The following F11R variants were observed in gnomAD, a reference collection of about 807,000 sequenced individuals.
The protein encoded by F11R is F11 receptor, also known as junctional adhesion molecule A.
F11R carries 27 observed loss-of-function variants against 39.3 expected under a neutral mutation model. That is an observed-to-expected ratio of 0.69 (90% CI 0.51 to 0.95). The LOEUF is 0.95. F11R is among the 40% of genes least tolerant of loss of function. The pLI is 0.00. For missense variants in F11R, 335 were observed against 372.7 expected (o/e 0.90, Z 0.83); for synonymous variants, 131 against 144.9 (o/e 0.90, Z 0.69).
rs79065730 is a variant in F11R, at chr1:161,013,133, G to GA, written c.64+7876dup. On this transcript the variant is annotated intron_variant, in intron 1 of 9. Transcript: ENST00000368026. The stretch of plus-strand genomic sequence containing the variant: ...CCCTGGTGTCTGTTGTTCATTTAGG[G>GA]AAAAAAAAAAAAAAGAAGAAAGAGG... 5.8e-3 allele frequency among the ~76,000 whole-genome samples: 793 copies of GA among 136,824 alleles called. 4 individuals carry two copies. The highest frequency in any genetic ancestry group is 0.018 in the African/African-American group (676 of 37,316). 89.8% of individuals were successfully genotyped at this position (136,824 alleles called of 152,430 possible). A position where few individuals can be genotyped will look rare whatever the true frequency, so the allele number is the denominator to read the frequency against.
In F11R at chr1:160,998,405, C is replaced by A; in HGVS notation, c.*466G>T. ...GACCCCAGTGTCATCACCAAACAACCATTTCAGCCGCTCTAGCCTCTAATT... is the reference window on the plus strand; with the variant it reads ...GACCCCAGTGTCATCACCAAACAACAATTTCAGCCGCTCTAGCCTCTAATT... On this transcript the variant is annotated 3_prime_UTR_variant, in exon 10 of 10. Coordinates refer to ENST00000368026, the MANE Select transcript of F11R (RefSeq NM_016946.6). 5.2e-6 allele frequency: 1 copy of A among 193,406 alleles called. No homozygotes were observed. Among genetic ancestry groups the A allele is most frequent in the Non-Finnish European group, 1.1e-5 (1 of 93,290 alleles). The allele number at this position is 193,406 out of a possible 1,614,324, so 12.0% of individuals were successfully genotyped here.
chr1:161,010,220 C>T (rs573854857), intron 1 of F11R, among the ~76,000 whole-genome samples: 42 of 151,986 alleles, frequency 2.8e-4, no homozygotes, highest in African/African-American at 9.4e-4. Context: ...CCGAAGCAAG[C>T]GGATCACAAG....
intron 1 of F11R, among the ~76,000 whole-genome samples, chr1:161,010,058 T>TAAAA (rs11443926): frequency 6.9e-6 from 1 of 145,244 alleles, no homozygotes. Context: ...ACTAAACTCT[T>TAAAA]AAAAAAAAAA....
intron 1 of F11R, among the ~76,000 whole-genome samples, chr1:161,004,955 G>A (rs1408476305): frequency 6.6e-6 from 1 of 151,764 alleles, no homozygotes; most frequent in Non-Finnish European, 1.5e-5. Context: ...GAGGGCAGGA[G>A]TTCGAGACCA....
intron 1 of F11R, among the ~76,000 whole-genome samples, chr1:161,010,546 G>A (rs749918568): frequency 5.3e-5 from 8 of 150,902 alleles, no homozygotes; most frequent in Non-Finnish European, 7.4e-5. Flanking sequence ...TATGCTATAT[G>A]TAGCTTTATT....
At position 160,996,768 on chromosome 1, in the gene F11R, AAAAAAC is replaced by A. The variant is rs1343735500; in HGVS notation, c.*2097_*2102del. The A allele has an allele frequency of 6.6e-6, 1 of 152,282 alleles. No individual in the cohort carries two copies. Among genetic ancestry groups the A allele is most frequent in the Non-Finnish European group, 1.5e-5 (1 of 68,106 alleles). 9.4% of individuals were successfully genotyped at this position (152,282 alleles called of 1,614,324 possible). On this transcript the variant is annotated 3_prime_UTR_variant, in exon 10 of 10. Coordinates refer to ENST00000368026, the MANE Select transcript of F11R (RefSeq NM_016946.6). ...GTGACAGAGCGAGACTCCGTCTTTA[AAAAAAC>A]AAAACAAAACAAAACAAAAAACAAC...
At chr1:161,011,276 G>A (rs566903335) in intron 1 of F11R, among the ~76,000 whole-genome samples, 23 of 151,848 alleles carry the variant, frequency 1.5e-4, no homozygotes, top group African/African-American at 4.6e-4. Context: ...CAAGTGATCC[G>A]TCCGCCCCAG....
chr1:161,004,546 C>CAA (rs879627643), intron 1 of F11R, among the ~76,000 whole-genome samples: 22 of 137,048 alleles, frequency 1.6e-4, no homozygotes, highest in East Asian at 4.3e-4. Flanking sequence ...GACTCCGTCT[C>CAA]AAAAAAAAAA....
rs1214754424 is a variant in F11R, at chr1:160,999,427, G to C, written c.803-19C>G. 1 of 1,614,168 alleles carries C rather than the reference G, an allele frequency of 6.2e-7. No individual in the cohort carries two copies. Among genetic ancestry groups the C allele is most frequent in the African/African-American group, 1.3e-5 (1 of 75,050 alleles). ...TTTGTTCCTGAAAGAGAAGAAATGG[G>C]ATCATGAGTGTCAGCAGGACAGAAG... On this transcript the variant is annotated intron_variant, in intron 7 of 9. Transcript: ENST00000368026.
chr1:161,011,450 G>A (rs1019996511), intron 1 of F11R, among the ~76,000 whole-genome samples: 1 of 152,016 alleles, frequency 6.6e-6, no homozygotes, highest in African/African-American at 2.4e-5. Context: ...GGACCTTAAA[G>A]TATATTTTGG....
chr1:161,007,167 CA>C (rs558492593), intron 1 of F11R, among the ~76,000 whole-genome samples: 261 of 94,210 alleles, frequency 2.8e-3, no homozygotes, highest in African/African-American at 4.4e-3. Flanking sequence ...AACTCCGTCT[CA>C]AAAAAAAAAA....
intron 1 of F11R, among the ~76,000 whole-genome samples, chr1:161,015,660 G>A (rs1377718239): frequency 1.3e-5 from 2 of 148,778 alleles, no homozygotes; most frequent in Non-Finnish European, 3.0e-5. Flanking sequence ...AACAGAGTGA[G>A]ACCCTGTTTC....
Position 161,021,117 on chromosome 1 carries a change from G to A in F11R, c.-44C>T, listed in dbSNP as rs750193067. 1.8e-5 allele frequency: 28 copies of A among 1,558,052 alleles called. No individual in the cohort carries two copies. The highest frequency in any genetic ancestry group is 1.0e-4 in the Admixed American group (6 of 59,878). On this transcript the variant is annotated 5_prime_UTR_variant, in exon 1 of 10. Transcript: ENST00000368026. The stretch of plus-strand genomic sequence containing the variant: ...ACAACAGCCGCCGAAGGACTCCTGG[G>A]AACAGACACAGCTCCGCGACTACAG...
In F11R at chr1:160,995,238, ATTG is replaced by A. The variant is rs987462908; in HGVS notation, c.*3630_*3632del. 13 of 152,222 alleles carry A rather than the reference ATTG, an allele frequency of 8.5e-5. No homozygotes were observed. The highest frequency in any genetic ancestry group is 1.8e-4 in the Non-Finnish European group (12 of 68,008). 9.4% of individuals were successfully genotyped at this position (152,222 alleles called of 1,614,324 possible). A position where few individuals can be genotyped will look rare whatever the true frequency, so the allele number is the denominator to read the frequency against. The stretch of plus-strand genomic sequence containing the variant: ...AAGAATTGGATATTTTTTAATGCAA[ATTG>A]TTGTTTTTCTTCATTTGTCTACTTT... On this transcript the variant is annotated 3_prime_UTR_variant, in exon 10 of 10. Coordinates refer to ENST00000368026, the MANE Select transcript of F11R (RefSeq NM_016946.6).
At chr1:161,002,557 T>C (rs188053475) in intron 1 of F11R, 3 of 152,310 alleles carry the variant, frequency 2.0e-5, no homozygotes, top group Admixed American at 6.5e-5. Flanking sequence ...TTCTCATCCA[T>C]GTTTTCAAAG....
chr1:161,014,969 T>C (rs903590847), intron 1 of F11R, among the ~76,000 whole-genome samples: 4 of 149,988 alleles, frequency 2.7e-5, no homozygotes, highest in Middle Eastern at 3.2e-3. Context: ...TCCCAGCTAC[T>C]TGGGAGGCTG....
In F11R at chr1:161,001,151, CGAAG is replaced by C. The variant is rs780399971; in HGVS notation, c.134-28_134-25del. 3.7e-6 allele frequency: 6 copies of C among 1,610,338 alleles called. No individual in the cohort carries two copies. In the South Asian group the frequency reaches 6.6e-5, roughly 18 times the overall value. ...AGCTGCAGACAGGGTCAAAATGAGC[CGAAG>C]GAAGAAGCAGCAGCAAATACACGAG... On this transcript the variant is annotated intron_variant, in intron 2 of 9. Coordinates refer to ENST00000368026, the MANE Select transcript of F11R (RefSeq NM_016946.6).
intron 1 of F11R, among the ~76,000 whole-genome samples, chr1:161,014,675 C>T (rs1649349746): frequency 6.6e-6 from 1 of 152,174 alleles, no homozygotes; most frequent in African/African-American, 2.4e-5. Flanking sequence ...CACGGTGGCT[C>T]ATGCCTGTAA....
At position 160,998,841 on chromosome 1, in the gene F11R, T is replaced by A; in HGVS notation, c.*30A>T. On this transcript the variant is annotated 3_prime_UTR_variant, in exon 10 of 10. Coordinates refer to ENST00000368026, the MANE Select transcript of F11R (RefSeq NM_016946.6). Reference sequence around the variant, plus strand: ...TCCGGTAGCACCTGAGTAAGGCAAATGCAGATGATAGGCGGTGAGCCGACC... The same window carrying A: ...TCCGGTAGCACCTGAGTAAGGCAAAAGCAGATGATAGGCGGTGAGCCGACC... The A allele has an allele frequency of 6.2e-7, 1 of 1,612,980 alleles. No individual in the cohort carries two copies. Among genetic ancestry groups the A allele is most frequent in the Non-Finnish European group, 8.5e-7 (1 of 1,178,984 alleles).
Sources: allele counts gnomAD v4.1 joint callset (sites outside exome capture counted in the v4.1 genomes callset), GRCh38; gene constraint gnomAD v4.1.1; transcripts MANE v1.5; gene names NCBI Gene and HGNC (gene_info 2026-07-23, HGNC 2026-07-21).